CAMTA1: variants seen among roughly 807,000 people sequenced by gnomAD.
The protein encoded by CAMTA1 is calmodulin binding transcription activator 1.
Under a neutral mutation model 170.9 loss-of-function variants are expected in CAMTA1, and 27 were observed. The ratio of observed to expected loss-of-function variants is 0.16; its 90% CI spans 0.12 to 0.22. CAMTA1 has a LOEUF of 0.22. Ranked by LOEUF, CAMTA1 falls within the 10% of genes least tolerant of loss-of-function variation. The pLI is 1.00. For synonymous variants in CAMTA1, 833 were observed against 891.5 expected, an observed-to-expected ratio of 0.93 and a Z score of 1.17; for missense variants, 1,619 against 2,217.2, an observed-to-expected ratio of 0.73 and a Z score of 5.42.
chr1:7,755,322 G>A (rs1315614985), intron 21 of CAMTA1, among the ~76,000 whole-genome samples: 1 of 83,880 alleles, frequency 1.2e-5, no homozygotes, highest in African/African-American at 5.1e-5. Flanking sequence ...GAGAGACTCC[G>A]TCTCAAAAAA....
chr1:7,141,837 G>A (rs1349477084), intron 4 of CAMTA1, among the ~76,000 whole-genome samples: 1 of 152,164 alleles, frequency 6.6e-6, no homozygotes, highest in South Asian at 2.1e-4. Flanking sequence ...GACTCCGAAG[G>A]CCTATTGACT....
chr1:7,404,712 A>G (rs1459155081), intron 5 of CAMTA1, among the ~76,000 whole-genome samples: 1 of 152,014 alleles, frequency 6.6e-6, no homozygotes, highest in Non-Finnish European at 1.5e-5. Context: ...ACATGGAGCC[A>G]CCCTCACCAG....
At chr1:7,360,958 G>C (rs2085494331) in intron 5 of CAMTA1, among the ~76,000 whole-genome samples, 1 of 152,210 alleles carries the variant, frequency 6.6e-6, no homozygotes, top group East Asian at 1.9e-4. Flanking sequence ...GAGGATCCTG[G>C]GTGGCTGGTA....
In CAMTA1 at chr1:7,063,496, G is replaced by T. The variant is rs1169099988; in HGVS notation, c.235-27808G>T. 6.6e-6 allele frequency among the ~76,000 whole-genome samples: 1 copy of T among 152,228 alleles called. No individual in the cohort carries two copies. The highest frequency in any genetic ancestry group is 2.4e-5 in the African/African-American group (1 of 41,458). Reference sequence around the variant, plus strand: ...TTAGCTGCATTGCAGATTGGAGGCAGGGGCAGACTACCTTCTAGACAGAAC... The same window carrying T: ...TTAGCTGCATTGCAGATTGGAGGCATGGGCAGACTACCTTCTAGACAGAAC... On this transcript the variant is annotated intron_variant, in intron 3 of 22. Coordinates refer to ENST00000303635, the MANE Select transcript of CAMTA1 (RefSeq NM_015215.4). This position sits in a 1 kb window ranked among gnomAD's most constrained non-coding sequence, Gnocchi z 4.3.
At chr1:7,631,809 G>A (rs2095671243) in intron 6 of CAMTA1, among the ~76,000 whole-genome samples, 1 of 152,182 alleles carries the variant, frequency 6.6e-6, no homozygotes. Context: ...ACCCTCAGTG[G>A]GTGACAGTGG....
At chr1:7,226,274 C>T (rs1216853382) in intron 4 of CAMTA1, among the ~76,000 whole-genome samples, 1 of 152,090 alleles carries the variant, frequency 6.6e-6, no homozygotes, top group Non-Finnish European at 1.5e-5. Context: ...CATTGCCTGC[C>T]CCTCGTGGAA....
rs141660598 is a variant in CAMTA1, at chr1:7,605,878, G to A, written c.511-34522G>A. Among the ~76,000 whole-genome samples the A allele has an allele frequency of 3.1e-3, 467 of 152,304 alleles. 4 individuals are homozygous for A. The highest frequency in any genetic ancestry group is 8.1e-3 in the African/African-American group (338 of 41,566). ...TCTAAAAAGGACCATCACTGTGACC[G>A]CCAGAAGGGCTGGGTTCTGTGGCCT... On this transcript the variant is annotated intron_variant, in intron 6 of 22. Coordinates refer to ENST00000303635, the MANE Select transcript of CAMTA1 (RefSeq NM_015215.4).
intron 11 of CAMTA1, among the ~76,000 whole-genome samples, chr1:7,718,432 C>T (rs1363055090): frequency 6.6e-6 from 1 of 152,126 alleles, no homozygotes; most frequent in Non-Finnish European, 1.5e-5. Flanking sequence ...TCTGTCTTTG[C>T]AGTTTCCCTT....
Position 7,685,493 on chromosome 1 carries a change from T to A in CAMTA1, c.2914+7760T>A, listed in dbSNP as rs1425442525. ...CACTTGAGGACTCCCAGCCCCTGTGTCCCCATTGATGGCCCCTTCCCCAGG... is the reference window on the plus strand; with the variant it reads ...CACTTGAGGACTCCCAGCCCCTGTGACCCCATTGATGGCCCCTTCCCCAGG... On this transcript the variant is annotated intron_variant, in intron 11 of 22. Transcript: ENST00000303635. This position sits in a 1 kb window ranked among gnomAD's most constrained non-coding sequence, Gnocchi z 5.7. 8.5e-5 allele frequency among the ~76,000 whole-genome samples: 13 copies of A among 152,264 alleles called. No individual in the cohort carries two copies. The East Asian group carries it at 2.3e-3, about 27-fold the overall frequency.
rs35814913 is a variant in CAMTA1, at chr1:6,914,102, C to CTTTTT, written c.234+88907_234+88911dup. Among the ~76,000 whole-genome samples the CTTTTT allele has an allele frequency of 8.2e-5, 10 of 122,018 alleles. 1 individual carries two copies. The highest frequency in any genetic ancestry group is 2.8e-4 in the South Asian group (1 of 3,620). 80.0% of individuals were successfully genotyped at this position (122,018 alleles called of 152,430 possible). The stretch of plus-strand genomic sequence containing the variant: ...GGTTGCAAAAAGGCAGGGCTCATCT[C>CTTTTT]TTTTTTTTTTTTTTTTTTTGAGATA... On this transcript the variant is annotated intron_variant, in intron 3 of 22. Transcript: ENST00000303635.
intron 5 of CAMTA1, among the ~76,000 whole-genome samples, chr1:7,272,135 C>T (rs1669896895): frequency 6.6e-6 from 1 of 151,850 alleles, no homozygotes; most frequent in Non-Finnish European, 1.5e-5. Context: ...AAAACAATTG[C>T]AGTTATAAAT....
intron 3 of CAMTA1, among the ~76,000 whole-genome samples, chr1:6,981,339 C>A (rs1694406164): frequency 6.6e-6 from 1 of 151,826 alleles, no homozygotes; most frequent in African/African-American, 2.4e-5. Flanking sequence ...ATGGTAATTG[C>A]CCCACATTTA....
intron 3 of CAMTA1, among the ~76,000 whole-genome samples, chr1:6,840,213 T>C (rs955195288): frequency 1.0e-4 from 15 of 148,678 alleles, no homozygotes; most frequent in African/African-American, 3.7e-4. Context: ...AAAAAAAGAG[T>C]TGAGATTTTG....
At chr1:7,107,734 C>G in intron 4 of CAMTA1, among the ~76,000 whole-genome samples, 1 of 152,200 alleles carries the variant, frequency 6.6e-6, no homozygotes, top group Non-Finnish European at 1.5e-5. Context: ...GGGCTGTCCT[C>G]CAGGGCACAG....
intron 3 of CAMTA1, among the ~76,000 whole-genome samples, chr1:6,848,950 C>T (rs1363746737): frequency 1.3e-5 from 2 of 152,096 alleles, no homozygotes; most frequent in African/African-American, 2.4e-5. Context: ...TGTATATTTT[C>T]GTGACATTTT....
chr1:6,905,021 A>G (rs527980066), intron 3 of CAMTA1, among the ~76,000 whole-genome samples: 70 of 151,578 alleles, frequency 4.6e-4, no homozygotes, highest in African/African-American at 1.6e-3. Context: ...CACGCTTGCC[A>G]CTCTGGGGTC....
intron 1 of CAMTA1, among the ~76,000 whole-genome samples, chr1:6,811,076 C>T (rs1449354893): frequency 6.6e-6 from 1 of 152,268 alleles, no homozygotes; most frequent in East Asian, 1.9e-4. Flanking sequence ...TGTGCTCTCT[C>T]CTGTTAGACA....
intron 5 of CAMTA1, among the ~76,000 whole-genome samples, chr1:7,412,363 A>T (rs1265141847): frequency 6.6e-6 from 1 of 151,602 alleles, no homozygotes; most frequent in African/African-American, 2.4e-5. Context: ...GAACTAGTTT[A>T]CAGTCCCACC....
intron 6 of CAMTA1, among the ~76,000 whole-genome samples, chr1:7,574,068 C>A (rs2150351385): frequency 8.3e-6 from 1 of 120,576 alleles, no homozygotes; most frequent in South Asian, 2.3e-4. Context: ...ATGACCTCAT[C>A]TTAACAAATT....
Sources: gnomAD v4.1 joint callset for allele counts (sites outside exome capture counted in the v4.1 genomes callset) on GRCh38, gnomAD v4.1.1 for gene constraint, Gnocchi (gnomAD v3.1) non-coding constraint, MANE v1.5 for transcripts, NCBI Gene and HGNC (gene_info 2026-07-23, HGNC 2026-07-21) for gene names.